ZBBX: variants seen among roughly 807,000 people sequenced by gnomAD.
The protein encoded by ZBBX is zinc finger B-box domain-containing protein 1.
Under a neutral mutation model 108.5 loss-of-function variants are expected in ZBBX, and 101 were observed. The ratio of observed to expected loss-of-function variants is 0.93; its 90% confidence interval spans 0.79 to 1.10. The LOEUF (loss-of-function observed/expected upper bound fraction) is 1.10. ZBBX is among the 50% of genes least tolerant of loss of function. The probability of loss-of-function intolerance (pLI) is 0.00; values close to 1 mark genes in which losing one functional copy is unlikely to be tolerated. For missense variants in ZBBX, 1,009 were observed against 941.4 expected, an observed-to-expected ratio of 1.07 and a Z score of -0.94; for synonymous variants, 356 against 323.4, an observed-to-expected ratio of 1.10 and a Z score of -1.08.
intron 18 of ZBBX, 37 bp downstream of exon 18, chr3:167,298,268 G>A: frequency 1.3e-6 from 2 of 1,540,732 alleles, no homozygotes; most frequent in East Asian, 2.3e-5. Flanking sequence ...CCTAAGATGA[G>A]AACAGACTGT....
chr3:167,393,305 A>G (rs921524907), intron 1 of ZBBX, among the ~76,000 whole-genome samples: 7 of 151,858 alleles, frequency 4.6e-5, no homozygotes, highest in African/African-American at 1.2e-4. Context: ...TTAAGCCACT[A>G]TATTTAGATT....
intron 16 of ZBBX, among the ~76,000 whole-genome samples, 153 bp from the exon 17 acceptor site, chr3:167,306,103 T>C (rs1483126287): frequency 1.3e-5 from 2 of 152,208 alleles, no homozygotes; most frequent in African/African-American, 2.4e-5. Flanking sequence ...AAAATATTTT[T>C]ACTATGCTTA....
At chr3:167,337,270 C>T (rs1420786894) in intron 9 of ZBBX, among the ~76,000 whole-genome samples, 1 of 152,102 alleles carries the variant, frequency 6.6e-6, no homozygotes, top group Non-Finnish European at 1.5e-5. Context: ...GTAATTCGAA[C>T]ACTTTGTGAG....
chr3:167,340,388 A>G (rs1015268335), intron 9 of ZBBX, among the ~76,000 whole-genome samples: 6 of 152,158 alleles, frequency 3.9e-5, no homozygotes, highest in African/African-American at 1.4e-4. Flanking sequence ...CACTTAGTAA[A>G]AATATCTTTG....
chr3:167,289,683 G>A (rs1391987944), intron 18 of ZBBX, among the ~76,000 whole-genome samples: 2 of 152,200 alleles, frequency 1.3e-5, no homozygotes, highest in Admixed American at 1.3e-4. Flanking sequence ...CACTTGAGCA[G>A]ACACCGAGCT....
At chr3:167,321,761 A>AT (rs1736482662) in intron 12 of ZBBX, among the ~76,000 whole-genome samples, 1 of 152,038 alleles carries the variant, frequency 6.6e-6, no homozygotes. Flanking sequence ...GATTCTGAAA[A>AT]TTATAGTCTC....
At chr3:167,222,969 T>A in the ZBBX span, among the ~76,000 whole-genome samples, 1 of 152,050 alleles carries the variant, frequency 6.6e-6, no homozygotes, top group East Asian at 1.9e-4. Context: ...AAATGATAAA[T>A]AGTTGAGGTG....
At chr3:167,299,573 T>C (rs933321075) in intron 17 of ZBBX, among the ~76,000 whole-genome samples, 8 of 152,252 alleles carry the variant, frequency 5.3e-5, no homozygotes, top group Non-Finnish European at 8.8e-5. Flanking sequence ...AAGTTAACTA[T>C]TGATAGTTTT....
chr3:167,239,007 CCTAT>C (rs1446876358), downstream of ZBBX, among the ~76,000 whole-genome samples: 5 of 152,004 alleles, frequency 3.3e-5, no homozygotes, highest in South Asian at 2.1e-4. Context: ...TATCTATCTA[CCTAT>C]CTATCAGTTG....
intron 1 of ZBBX, among the ~76,000 whole-genome samples, chr3:167,386,140 A>AGAAG (rs1481643655): frequency 6.6e-6 from 1 of 152,068 alleles, no homozygotes; most frequent in East Asian, 1.9e-4. Flanking sequence ...AAAGAAAGAA[A>AGAAG]GGATAAAAGG....
At chr3:167,340,008 T>A (rs1216669682) in intron 9 of ZBBX, among the ~76,000 whole-genome samples, 1 of 152,116 alleles carries the variant, frequency 6.6e-6, no homozygotes, top group Non-Finnish European at 1.5e-5. Flanking sequence ...GCAACACATG[T>A]ATACTGAAGA....
chr3:167,380,629 T>C (rs959193579), upstream of ZBBX, among the ~76,000 whole-genome samples: 6 of 152,160 alleles, frequency 3.9e-5, no homozygotes, highest in African/African-American at 1.4e-4. Context: ...AAAATTTGAC[T>C]ATCTTAATCC....
chr3:167,335,482 G>A lies in ZBBX; in HGVS notation c.529-1497C>T, dbSNP rs776731826. Among the ~76,000 whole-genome samples the A allele has an allele frequency of 9.9e-4, 151 of 152,094 alleles. 1 individual carries two copies. Among genetic ancestry groups the A allele is most frequent in the Non-Finnish European group, 1.3e-3 (89 of 68,002 alleles). On this transcript the variant is annotated intron_variant, in intron 9 of 21. Transcript: ENST00000675490. ...AACTCCAGGGGTAAGATTCAGAATC[G>A]TCAGATGCTCTGTGAGAACTTGGCA... is the stretch of plus-strand genomic sequence containing the variant.
chr3:167,324,840 C>T (rs1440734788), intron 11 of ZBBX, among the ~76,000 whole-genome samples: 1 of 152,098 alleles, frequency 6.6e-6, no homozygotes, highest in Non-Finnish European at 1.5e-5. Context: ...TTGGTAATGA[C>T]AGCTAAATAG....
At chr3:167,338,581 C>T (rs1255758664) in intron 9 of ZBBX, among the ~76,000 whole-genome samples, 1 of 151,370 alleles carries the variant, frequency 6.6e-6, no homozygotes, top group Non-Finnish European at 1.5e-5. Context: ...ACCTGTATTA[C>T]TTTGCAAGTT....
At chr3:167,330,964 T>TCTGTCTCTCTCTCTCTC (rs1310209358) in intron 10 of ZBBX, among the ~76,000 whole-genome samples, 1 of 145,830 alleles carries the variant, frequency 6.9e-6, no homozygotes, top group African/African-American at 2.5e-5. Flanking sequence ...TCTCTCTCTC[T>TCTGTCTCTCTCTCTCTC]CCCCCACTCC....
At chr3:167,396,167 A>G (rs897654537) in intron 1 of ZBBX, among the ~76,000 whole-genome samples, 11 of 152,006 alleles carry the variant, frequency 7.2e-5, no homozygotes, top group Non-Finnish European at 1.6e-4. Context: ...GTTTGCCCTC[A>G]TAACCATCTT....
At chr3:167,404,150 C>T (rs1304054351) in intron 1 of ZBBX, among the ~76,000 whole-genome samples, 1 of 151,830 alleles carries the variant, frequency 6.6e-6, no homozygotes, top group African/African-American at 2.4e-5. Context: ...GAATAGCCAA[C>T]AAAGTAAACT....
At chr3:167,190,326 T>G in the ZBBX span, among the ~76,000 whole-genome samples, 1 of 151,804 alleles carries the variant, frequency 6.6e-6, no homozygotes, top group East Asian at 1.9e-4. Context: ...ATTGTTAAGA[T>G]GAAATAATAT....
Sources: allele counts gnomAD v4.1 joint callset (sites outside exome capture counted in the v4.1 genomes callset), GRCh38; gene constraint gnomAD v4.1.1; transcripts MANE v1.5; gene names NCBI Gene and HGNC (gene_info 2026-07-23, HGNC 2026-07-21).